The following VPS35L variants were observed in gnomAD, a reference collection of about 807,000 sequenced individuals.
The protein encoded by VPS35L is VPS35 endosomal protein sorting factor like.
A neutral mutation model predicts 133.0 loss-of-function variants in VPS35L; 83 were observed. The observed-to-expected ratio is 0.62, with a 90% CI of 0.52 to 0.75. The LOEUF (loss-of-function observed/expected upper bound fraction) is 0.75, where lower values mean the gene tolerates loss of function less well. VPS35L is among the 30% of genes least tolerant of loss of function. VPS35L has a pLI of 0.00. For synonymous variants in VPS35L, 423 were observed against 449.9 expected (o/e 0.94, Z 0.76); for missense variants, 1,083 against 1,206.8 (o/e 0.90, Z 1.52).
At chr16:19,677,690 A>C (rs972691613) in intron 27 of VPS35L, among the ~76,000 whole-genome samples, 1 of 152,168 alleles carries the variant, frequency 6.6e-6, no homozygotes. Flanking sequence ...GACAGGACTG[A>C]GAGAAACAGC....
At position 19,590,976 on chromosome 16, in the gene VPS35L, T is replaced by A. The variant is rs115278312; in HGVS notation, c.640-814T>A. ...TCTCTAATAAAATAATAATAAAATTTAAAAAAATTAAATAGTCCTGAACAT... is the reference window on the plus strand; with the variant it reads ...TCTCTAATAAAATAATAATAAAATTAAAAAAAATTAAATAGTCCTGAACAT... On this transcript the variant is annotated intron_variant, in intron 7 of 30. Transcript: ENST00000417362. Among the ~76,000 whole-genome samples the A allele has an allele frequency of 5.3e-3, 806 of 152,090 alleles. 9 individuals carry two copies. Among genetic ancestry groups the A allele is most frequent in the African/African-American group, 0.018 (731 of 41,490 alleles).
chr16:19,611,838 G>A lies in VPS35L; in HGVS notation c.1023+1423G>A, dbSNP rs540199768. Reference sequence around the variant, plus strand: ...ACAACTTTTGAATATATTAAAGCTTGAATACTCCTCCCAAGTCAGTGTTTG... The same window carrying A: ...ACAACTTTTGAATATATTAAAGCTTAAATACTCCTCCCAAGTCAGTGTTTG... On this transcript the variant is annotated intron_variant, in intron 12 of 30. Coordinates refer to ENST00000417362, the MANE Select transcript of VPS35L (RefSeq NM_020314.7). 2.0e-5 allele frequency: 3 copies of A among 151,852 alleles called. No homozygotes were observed. In the South Asian group the frequency reaches 6.2e-4, roughly 32 times the overall value. 9.4% of individuals were successfully genotyped at this position (151,852 alleles called of 1,614,324 possible). A position where few individuals can be genotyped will look rare whatever the true frequency, so the allele number is the denominator to read the frequency against.
intron 26 of VPS35L, among the ~76,000 whole-genome samples, chr16:19,663,669 C>CTTTTTTTTTTTTTTTT (rs59826351): frequency 1.6e-5 from 1 of 63,916 alleles, no homozygotes; most frequent in Non-Finnish European, 2.7e-5. Flanking sequence ...GCAGTAATTT[C>CTTTTTTTTTTTTTTTT]TTTTTTTTTT....
chr16:19,559,741 G>A (rs991731559), intron 1 of VPS35L, among the ~76,000 whole-genome samples: 1 of 150,622 alleles, frequency 6.6e-6, no homozygotes, highest in Non-Finnish European at 1.5e-5. Context: ...ATGCAGTCTC[G>A]CCTGCCGTAA....
At chr16:19,621,436 A>G (rs1973077814) in intron 14 of VPS35L, among the ~76,000 whole-genome samples, 1 of 152,262 alleles carries the variant, frequency 6.6e-6, no homozygotes, top group Non-Finnish European at 1.5e-5. Context: ...TGTTACATAA[A>G]TAAGTGGCAT....
At chr16:19,683,022 T>C (rs2151619005) in intron 28 of VPS35L, among the ~76,000 whole-genome samples, 1 of 152,340 alleles carries the variant, frequency 6.6e-6, no homozygotes, top group African/African-American at 2.4e-5. Flanking sequence ...CAGCCCAGGC[T>C]GAAGCAGTCC....
intron 19 of VPS35L, among the ~76,000 whole-genome samples, chr16:19,636,783 T>C (rs1027252584): frequency 1.3e-4 from 20 of 152,354 alleles, no homozygotes; most frequent in Admixed American, 1.3e-3. Flanking sequence ...AAACCGCATC[T>C]TCTTGGCTCT....
Position 19,669,250 on chromosome 16 carries a change from T to C in VPS35L, c.2312T>C (p.Phe771Ser). 1 of 1,613,350 alleles carries C rather than the reference T, an allele frequency of 6.2e-7. No homozygotes were observed. Among genetic ancestry groups the C allele is most frequent in the Non-Finnish European group, 8.5e-7 (1 of 1,179,398 alleles). The change falls in exon 27 of 31, where the codon TTC becomes TCC. Residue 771 changes from phenylalanine (F) to serine (S), a missense_variant. Transcript: ENST00000417362. ...IDGKMRPSES[F>S]LLEFLCNFFS... ...GGGAAGATGCGGCCATCGGAATCGTTCCTTCTGGAATTCCTCTGCAATTTC... is the reference window on the plus strand; with the variant it reads ...GGGAAGATGCGGCCATCGGAATCGTCCCTTCTGGAATTCCTCTGCAATTTC...
intron 18 of VPS35L, among the ~76,000 whole-genome samples, chr16:19,632,492 CTA>C (rs1419502631): frequency 6.6e-6 from 1 of 152,190 alleles, no homozygotes; most frequent in Non-Finnish European, 1.5e-5. Flanking sequence ...GTCTTTTGCT[CTA>C]TAGAGTTGCA....
At chr16:19,632,945 C>T (rs1973503439) in intron 18 of VPS35L, 147 bp from the exon 19 acceptor site, 1 of 669,774 alleles carries the variant, frequency 1.5e-6, no homozygotes, top group Non-Finnish European at 2.7e-6. Context: ...AGATTTCCTC[C>T]CTTCCGTTAT....
At chr16:19,631,326 G>A (rs1022211847) in intron 18 of VPS35L, among the ~76,000 whole-genome samples, 1 of 152,254 alleles carries the variant, frequency 6.6e-6, no homozygotes, top group South Asian at 2.1e-4. Context: ...TCCAGAGTAA[G>A]AAATAGGAAA....
intron 14 of VPS35L, 50 bp downstream of exon 14, chr16:19,616,858 G>A: frequency 6.2e-7 from 1 of 1,613,078 alleles, no homozygotes; most frequent in Middle Eastern, 1.7e-4. Context: ...TATGGTGACA[G>A]CCCCTGCCCA....
chr16:19,562,873 G>T (rs1274228702), intron 1 of VPS35L, among the ~76,000 whole-genome samples: 1 of 151,820 alleles, frequency 6.6e-6, no homozygotes, highest in Non-Finnish European at 1.5e-5. Flanking sequence ...TCCCACCTCA[G>T]CCTCTAGAAT....
chr16:19,698,085 GTC>G (rs1975978493), intron 29 of VPS35L, among the ~76,000 whole-genome samples: 1 of 152,230 alleles, frequency 6.6e-6, no homozygotes, highest in Non-Finnish European at 1.5e-5. Flanking sequence ...TGGGGCCGGC[GTC>G]TCTGTTCTGG....
intron 1 of VPS35L, among the ~76,000 whole-genome samples, chr16:19,558,932 A>AC (rs1265825784): frequency 1.3e-5 from 2 of 151,944 alleles, no homozygotes; most frequent in African/African-American, 2.4e-5. Flanking sequence ...CAAAAAAAAA[A>AC]AAAAAACAAC....
intron 13 of VPS35L, 111 bp downstream of exon 13, chr16:19,616,302 G>A: frequency 2.3e-6 from 2 of 875,952 alleles, no homozygotes; most frequent in Non-Finnish European, 3.7e-6. Flanking sequence ...CTTTAAATGT[G>A]CAAGCCCTGG....
At chr16:19,676,112 C>G (rs1170941625) in intron 27 of VPS35L, among the ~76,000 whole-genome samples, 2 of 152,086 alleles carry the variant, frequency 1.3e-5, no homozygotes, top group African/African-American at 4.8e-5. Context: ...GTCAGCTGTG[C>G]ATGGTGGCAT....
At chr16:19,581,900 C>A in intron 7 of VPS35L, 1 of 527,044 alleles carries the variant, frequency 1.9e-6, no homozygotes, top group Non-Finnish European at 3.4e-6. Flanking sequence ...ACTCTTCACC[C>A]TAGGTTACAG....
chr16:19,640,087 G>A lies in VPS35L; in HGVS notation c.1771G>A (p.Asp591Asn), dbSNP rs1422384803. Residue 591 changes from aspartate to asparagine, a missense_variant, in exon 21 of 31, where the codon GAC (aspartate) becomes AAC (asparagine). Coordinates refer to ENST00000417362, the MANE Select transcript of VPS35L (RefSeq NM_020314.7). ...VRVEVCKCIM[D>N]AFIKHQQEPT... ...GGTGGAGGTTTGCAAATGCATCATG[G>A]ACGCCTTTATCAAGTGAGTGCCACT... is the stretch of plus-strand genomic sequence containing the variant. The A allele has an allele frequency of 6.2e-7, 1 of 1,614,164 alleles. No homozygotes were observed.
Sources: gnomAD v4.1 joint callset for allele counts (sites outside exome capture counted in the v4.1 genomes callset) on GRCh38, gnomAD v4.1.1 for gene constraint, MANE v1.5 for transcripts, NCBI Gene and HGNC (gene_info 2026-07-23, HGNC 2026-07-21) for gene names.